Variants in SARDH observed in about 807,000 individuals in gnomAD.
SARDH encodes sarcosine dehydrogenase.
A neutral mutation model predicts 109.1 loss-of-function variants in SARDH; 95 were observed. The observed-to-expected ratio is 0.87, with a 90% CI of 0.74 to 1.03. SARDH has a LOEUF of 1.03. SARDH is among the 50% of genes least tolerant of loss of function. The pLI is 0.00. For synonymous variants in SARDH, 572 were observed against 534.8 expected, an observed-to-expected ratio of 1.07 and a Z score of -0.96; for missense variants, 1,267 against 1,287.8, an observed-to-expected ratio of 0.98 and a Z score of 0.25.
In SARDH at chr9:133,686,077, A is replaced by C. The variant is rs926934431; in HGVS notation, c.2070-791T>G. ...GGCTGCACCTGAGTGCCACAGTGCT[A>C]TGAGGGCCCGGGAATGTTCCTGAGC... On this transcript the variant is annotated intron_variant, in intron 16 of 20. Coordinates refer to ENST00000439388, the MANE Select transcript of SARDH (RefSeq NM_001134707.2). The surrounding 1 kb of genome is among the most constrained non-coding windows in gnomAD (Gnocchi z 4.0). Among the ~76,000 whole-genome samples the C allele has an allele frequency of 6.6e-6, 1 of 152,120 alleles. No homozygotes were observed. The highest frequency in any genetic ancestry group is 1.5e-5 in the Non-Finnish European group (1 of 67,994).
rs750718149 is a variant in SARDH at position 133,692,717 on chromosome 9, A to C, written c.1921+1541T>G. Among the ~76,000 whole-genome samples, 2 of 151,818 alleles carry C rather than the reference A, an allele frequency of 1.3e-5. No individual in the cohort carries two copies. The highest frequency in any genetic ancestry group is 4.8e-5 in the African/African-American group (2 of 41,292). On this transcript the variant is annotated intron_variant, in intron 15 of 20. Transcript: ENST00000439388. The surrounding 1 kb of genome is among the most constrained non-coding windows in gnomAD (Gnocchi z 5.0). ...CACCGGCCTCCTTCACCTCCTCCCG[A>C]CCCTGGCTACCTGGTGCTTCCACAC... is the stretch of plus-strand genomic sequence containing the variant.
Position 133,673,461 on chromosome 9 carries a change from G to A in SARDH, c.2164-1764C>T, listed in dbSNP as rs535142321. 4.6e-5 allele frequency among the ~76,000 whole-genome samples: 7 copies of A among 152,334 alleles called. No homozygotes were observed. In the East Asian group the frequency reaches 9.7e-4, roughly 21 times the overall value. On this transcript the variant is annotated intron_variant, in intron 17 of 20. Coordinates refer to ENST00000439388, the MANE Select transcript of SARDH (RefSeq NM_001134707.2). ...GAAAGGCCCTCCCTGTACAGCTCCCGCTGGGATACGCCTGTGGGAAGGAGG... is the reference window on the plus strand; with the variant it reads ...GAAAGGCCCTCCCTGTACAGCTCCCACTGGGATACGCCTGTGGGAAGGAGG...
chr9:133,726,162 A>G (rs1832482801), intron 6 of SARDH, among the ~76,000 whole-genome samples: 1 of 151,638 alleles, frequency 6.6e-6, no homozygotes, highest in African/African-American at 2.4e-5. Context: ...TCGCTTGAGC[A>G]GTTTGAGACC....
rs777311405 is a variant in SARDH at position 133,670,707 on chromosome 9, A to AG, written c.2371dup (p.Leu791ProfsTer66). On this transcript the variant is annotated frameshift_variant, in exon 19 of 21. Transcript: ENST00000439388. LOFTEE classifies it high-confidence loss of function. ...GCAGGTGAAGGCCAGGCCTGCCTCC[A>AG]GGGGGCTGTCGTCTGGCCGCAGGTC... is the stretch of plus-strand genomic sequence containing the variant. 7 of 1,605,506 alleles carry AG rather than the reference A, an allele frequency of 4.4e-6. No homozygotes were observed. Among genetic ancestry groups the AG allele is most frequent in the Non-Finnish European group, 5.1e-6 (6 of 1,176,824 alleles).
chr9:133,663,701 C>T lies in SARDH; in HGVS notation c.*188G>A. On this transcript the variant is annotated 3_prime_UTR_variant, in exon 21 of 21. Transcript: ENST00000439388. ...GGTGGATTAGAGACTGCCTTCCAGT[C>T]AGTGACCACAGGATGGGCCATCTTG... 1.3e-6 allele frequency: 1 copy of T among 752,572 alleles called. No individual in the cohort carries two copies. Among genetic ancestry groups the T allele is most frequent in the Non-Finnish European group, 2.2e-6 (1 of 454,866 alleles). 46.6% of individuals were successfully genotyped at this position (752,572 alleles called of 1,614,324 possible). A position where few individuals can be genotyped will look rare whatever the true frequency, so the allele number is the denominator to read the frequency against.
In SARDH at chr9:133,666,350, C is replaced by T. The variant is rs1238798288; in HGVS notation, c.2631+385G>A. On this transcript the variant is annotated intron_variant, in intron 20 of 20. Coordinates refer to ENST00000439388, the MANE Select transcript of SARDH (RefSeq NM_001134707.2). This position sits in a 1 kb window ranked among gnomAD's most constrained non-coding sequence, Gnocchi z 5.2. The stretch of plus-strand genomic sequence containing the variant: ...GGAAGGTATCAGCCTGGCTGGCTGG[C>T]ACCTCCTTCTAACCAAAAAAAGCCT... 2.6e-5 allele frequency among the ~76,000 whole-genome samples: 4 copies of T among 152,130 alleles called. No individual in the cohort carries two copies. The highest frequency in any genetic ancestry group is 5.9e-5 in the Non-Finnish European group (4 of 68,002).
chr9:133,681,533 C>T lies in SARDH; in HGVS notation c.2163+3660G>A, dbSNP rs78045219. Among the ~76,000 whole-genome samples, 1,069 of 152,306 alleles carry T rather than the reference C, an allele frequency of 7.0e-3. 15 individuals carry two copies. The highest frequency in any genetic ancestry group is 0.024 in the African/African-American group (988 of 41,562). ...CCTGGGCCCCAACCTCACTCGGGGT[C>T]TGAGCCCATCGAGGGAAGGAGCCAC... On this transcript the variant is annotated intron_variant, in intron 17 of 20. Coordinates refer to ENST00000439388, the MANE Select transcript of SARDH (RefSeq NM_001134707.2).
chr9:133,731,194 C>G, intron 4 of SARDH, 111 bp downstream of exon 4: 2 of 1,410,012 alleles, frequency 1.4e-6, no homozygotes. Context: ...GGCCCAAAGT[C>G]ACACAGCAGT....
chr9:133,665,565 C>A (rs542731962), intron 20 of SARDH, among the ~76,000 whole-genome samples: 1 of 152,334 alleles, frequency 6.6e-6, no homozygotes, highest in African/African-American at 2.4e-5. Context: ...TATCCAAGGT[C>A]ACAAAGCAAG....
chr9:133,675,225 C>A (rs929822641), intron 17 of SARDH, among the ~76,000 whole-genome samples: 17 of 152,062 alleles, frequency 1.1e-4, no homozygotes, highest in Admixed American at 1.1e-3. Flanking sequence ...GTGGTGCATG[C>A]CTGTAGTCCC....
chr9:133,705,085 C>A (rs1831640289), intron 11 of SARDH, 54 bp from the exon 12 acceptor site: 3 of 1,509,168 alleles, frequency 2.0e-6, no homozygotes, highest in African/African-American at 1.4e-5. Context: ...TACCCCTGCG[C>A]AGGGCAGAGA....
At position 133,690,490 on chromosome 9, in the gene SARDH, G is replaced by A; in HGVS notation, c.1959C>T (p.Ala653=). The A allele has an allele frequency of 6.2e-7, 1 of 1,610,580 alleles. No homozygotes were observed. Among genetic ancestry groups the A allele is most frequent in the Non-Finnish European group, 8.5e-7 (1 of 1,179,718 alleles). ...TGGTGATGTGGGACCAGTTGTGCTG[G>A]GCCACGGCCCCGCCCATGGCCAGGT... ...GYYLAMGGAV[A]QHNWSHITTV... is the part of the protein sequence containing the mutation. The change falls in exon 16 of 21, where the codon GCC becomes GCT. Residue 653 remains alanine, a synonymous_variant. Coordinates refer to ENST00000439388, the MANE Select transcript of SARDH (RefSeq NM_001134707.2).
At chr9:133,701,519 T>C (rs896514787) in intron 13 of SARDH, among the ~76,000 whole-genome samples, 1 of 152,230 alleles carries the variant, frequency 6.6e-6, no homozygotes, top group African/African-American at 2.4e-5. Flanking sequence ...TTTCGTGCTT[T>C]AGGACGGCTT....
Position 133,732,528 on chromosome 9 carries a change from C to A in SARDH, c.405G>T (p.Arg135=), listed in dbSNP as rs1312707010. 1 of 1,613,882 alleles carries A rather than the reference C, an allele frequency of 6.2e-7. No homozygotes were observed. Among genetic ancestry groups the A allele is most frequent in the Admixed American group, 1.7e-5 (1 of 59,994 alleles). The change falls in exon 3 of 21, where the codon CGG becomes CGT. Residue 135 remains arginine (R), a synonymous_variant. Transcript: ENST00000439388. ...GTAGTCCCGTCTCCTCCTCCAGCTC[C>A]CGGCTCACCACCCGCCGAGTGTGGG... The part of the protein sequence containing the change: ...LLAHTRRVVS[R]ELEEETGLHT...
Position 133,732,477 on chromosome 9 carries a change from G to A in SARDH, c.456C>T (p.Gly152=). 2.5e-6 allele frequency: 4 copies of A among 1,613,636 alleles called. No individual in the cohort carries two copies. The highest frequency in any genetic ancestry group is 1.3e-5 in the African/African-American group (1 of 74,952). ...GCTGCCGGTTGGACGCGATGAAGAG[G>A]CCCCCATTCTGGATCCAGCCCGTGT... The part of the protein sequence containing the change: ...GLHTGWIQNG[G]LFIASNRQRL... Residue 152 remains glycine (G), a synonymous_variant, in exon 3 of 21, where the codon GGC becomes GGT. Transcript: ENST00000439388.
At chr9:133,681,520 C>A (rs1481118275) in intron 17 of SARDH, among the ~76,000 whole-genome samples, 3 of 152,194 alleles carry the variant, frequency 2.0e-5, no homozygotes, top group Admixed American at 1.3e-4. Flanking sequence ...TGGGCCCCAA[C>A]CTCACTCGGG....
rs1588436066 is a variant in SARDH, at chr9:133,712,543, A to C, written c.1328+76T>G. On this transcript the variant is annotated intron_variant, in intron 10 of 20. Transcript: ENST00000439388. The surrounding 1 kb of genome is among the most constrained non-coding windows in gnomAD (Gnocchi z 4.1). Reference sequence around the variant, plus strand: ...GGATTTCAGGCAAGGCTCCTTTCTCAGTAGCCCTCGCTGTTTACCCCACGC... The same window carrying C: ...GGATTTCAGGCAAGGCTCCTTTCTCCGTAGCCCTCGCTGTTTACCCCACGC... 2 of 1,326,838 alleles carry C rather than the reference A, an allele frequency of 1.5e-6. No individual in the cohort carries two copies. Among genetic ancestry groups the C allele is most frequent in the Non-Finnish European group, 1.1e-6 (1 of 937,736 alleles). 82.2% of individuals were successfully genotyped at this position (1,326,838 alleles called of 1,614,324 possible). A position where few individuals can be genotyped will look rare whatever the true frequency, so the allele number is the denominator to read the frequency against.
At position 133,695,653 on chromosome 9, in the gene SARDH, T is replaced by C. The variant is rs559439808; in HGVS notation, c.1807+570A>G. ...CAGAACCGTGACAATAAATTGGTGTTGTTTTAAGCCACCAGGTTTGTGATC... is the reference window on the plus strand; with the variant it reads ...CAGAACCGTGACAATAAATTGGTGTCGTTTTAAGCCACCAGGTTTGTGATC... On this transcript the variant is annotated intron_variant, in intron 14 of 20. Transcript: ENST00000439388. Among the ~76,000 whole-genome samples, 354 of 148,168 alleles carry C rather than the reference T, an allele frequency of 2.4e-3. 2 individuals are homozygous for C. The highest frequency in any genetic ancestry group is 8.6e-3 in the African/African-American group (345 of 40,178).
chr9:133,712,044 C>G lies in SARDH; in HGVS notation c.1328+575G>C, dbSNP rs1237516715. On this transcript the variant is annotated intron_variant, in intron 10 of 20. Transcript: ENST00000439388. The surrounding 1 kb of genome is among the most constrained non-coding windows in gnomAD (Gnocchi z 4.1). The stretch of plus-strand genomic sequence containing the variant: ...TGGCCACCAGCACCCCAGTCCATGC[C>G]TCGGCTGGGGATGACTTAGCGTTTC... Among the ~76,000 whole-genome samples, 3 of 152,220 alleles carry G rather than the reference C, an allele frequency of 2.0e-5. No homozygotes were observed. The highest frequency in any genetic ancestry group is 1.3e-4 in the Admixed American group (2 of 15,286).
Sources: gnomAD v4.1 joint callset for allele counts (sites outside exome capture counted in the v4.1 genomes callset) on GRCh38, gnomAD v4.1.1 for gene constraint, Gnocchi (gnomAD v3.1) non-coding constraint, MANE v1.5 for transcripts, NCBI Gene and HGNC (gene_info 2026-07-23, HGNC 2026-07-21) for gene names.